The following CCSER2 variants were observed in gnomAD, a reference collection of about 807,000 sequenced individuals.
CCSER2 encodes coiled-coil serine rich protein 2, also known as serine-rich coiled-coil domain-containing protein 2.
A neutral mutation model predicts 92.3 loss-of-function variants in CCSER2; 46 were observed. That is an observed-to-expected ratio of 0.50 (90% confidence interval 0.39 to 0.64). CCSER2 has a LOEUF of 0.64. CCSER2 is among the 30% of genes least tolerant of loss of function. The pLI, the probability that CCSER2 is intolerant of heterozygous loss-of-function variation, is 0.00. For missense variants in CCSER2, 1,244 were observed against 1,238.9 expected, an observed-to-expected ratio of 1.00 and a Z score of -0.06; for synonymous variants, 433 against 431.4, an observed-to-expected ratio of 1.00 and a Z score of -0.04.
At chr10:84,485,029 A>G (rs1026830819) in intron 9 of CCSER2, among the ~76,000 whole-genome samples, 15 of 152,226 alleles carry the variant, frequency 9.9e-5, no homozygotes, top group African/African-American at 3.6e-4. Flanking sequence ...TATAGAAGGC[A>G]TTTTTGAAAC....
intron 3 of CCSER2, among the ~76,000 whole-genome samples, chr10:84,401,488 A>C (rs1384485323): frequency 1.3e-5 from 2 of 152,178 alleles, no homozygotes; most frequent in East Asian, 3.8e-4. Context: ...ACTTCACCCA[A>C]GTTGAAATAG....
intron 3 of CCSER2, among the ~76,000 whole-genome samples, chr10:84,374,831 A>T (rs918711817): frequency 2.6e-5 from 4 of 152,184 alleles, no homozygotes; most frequent in Non-Finnish European, 4.4e-5. Flanking sequence ...TAGTCTGTGG[A>T]TATATTAAAT....
intron 5 of CCSER2, 27 bp downstream of exon 5, chr10:84,425,920 A>C: frequency 1.4e-6 from 2 of 1,409,168 alleles, no homozygotes; most frequent in Non-Finnish European, 1.9e-6. Context: ...CTTAGATTTC[A>C]TTTGCTGTCC....
chr10:84,359,319 G>A lies in CCSER2; in HGVS notation c.-39-11695G>A, dbSNP rs182677806. The stretch of plus-strand genomic sequence containing the variant: ...CCATTGTATCTGGGGGAAACAGAAT[G>A]GAATGTAAAAAATGTTTAGTTGATT... On this transcript the variant is annotated intron_variant, in intron 1 of 9. Coordinates refer to ENST00000372088, the MANE Select transcript of CCSER2 (RefSeq NM_001284240.2). 1.1e-3 allele frequency among the ~76,000 whole-genome samples: 160 copies of A among 152,218 alleles called. 2 individuals are homozygous for A. The highest frequency in any genetic ancestry group is 1.6e-3 in the Admixed American group (24 of 15,284).
intron 6 of CCSER2, among the ~76,000 whole-genome samples, chr10:84,458,251 A>G (rs1690374875): frequency 6.6e-6 from 1 of 152,152 alleles, no homozygotes; most frequent in South Asian, 2.1e-4. Flanking sequence ...GATTATTTTT[A>G]TCACGTGTAT....
chr10:84,489,285 G>T (rs1847999734), intron 9 of CCSER2, among the ~76,000 whole-genome samples: 2 of 152,232 alleles, frequency 1.3e-5, no homozygotes, highest in African/African-American at 2.4e-5. Context: ...TCAATTCCTG[G>T]ATCTCGTTGT....
At chr10:84,367,979 T>C (rs1290739501) in intron 1 of CCSER2, among the ~76,000 whole-genome samples, 1 of 152,120 alleles carries the variant, frequency 6.6e-6, no homozygotes, top group Non-Finnish European at 1.5e-5. Flanking sequence ...TCTCCTTAGA[T>C]TGCGTTAAAT....
At chr10:84,383,002 TGA>T (rs1382919644) in intron 3 of CCSER2, among the ~76,000 whole-genome samples, 1 of 152,240 alleles carries the variant, frequency 6.6e-6, no homozygotes, top group Admixed American at 6.5e-5. Flanking sequence ...ACCTTGTGAC[TGA>T]TACAGCTAGA....
At chr10:84,493,620 G>A (rs183856009) in intron 9 of CCSER2, among the ~76,000 whole-genome samples, 20 of 152,212 alleles carry the variant, frequency 1.3e-4, no homozygotes, top group Admixed American at 1.2e-3. Context: ...AGAAAGGAAC[G>A]AGAATTTCCC....
At chr10:84,390,089 T>C (rs1841441164) in intron 3 of CCSER2, among the ~76,000 whole-genome samples, 1 of 152,162 alleles carries the variant, frequency 6.6e-6, no homozygotes, top group Non-Finnish European at 1.5e-5. Context: ...TATACATATA[T>C]ACTTCCACAC....
chr10:84,410,048 G>A (rs1842572239), intron 3 of CCSER2, among the ~76,000 whole-genome samples: 1 of 152,064 alleles, frequency 6.6e-6, no homozygotes, highest in African/African-American at 2.4e-5. Context: ...AGTTTGATGA[G>A]GATGTCTTCC....
intron 1 of CCSER2, among the ~76,000 whole-genome samples, chr10:84,339,624 C>G (rs745636587): frequency 6.6e-6 from 1 of 150,870 alleles, no homozygotes; most frequent in African/African-American, 2.4e-5. Flanking sequence ...TACAGGCATG[C>G]GCCACCACGC....
chr10:84,427,720 T>G lies in CCSER2; in HGVS notation c.1868+1827T>G, dbSNP rs377129725. ...TTCTTTTCTGCCCAGACCTCCTTTT[T>G]TTCTACACCTTTTGATATGCTATCT... is the stretch of plus-strand genomic sequence containing the variant. On this transcript the variant is annotated intron_variant, in intron 5 of 9. Transcript: ENST00000372088. Among the ~76,000 whole-genome samples, 32 of 152,260 alleles carry G rather than the reference T, an allele frequency of 2.1e-4. 1 individual carries two copies. The East Asian group carries it at 2.1e-3, about 10-fold the overall frequency.
chr10:84,411,779 TC>T (rs1468033352), intron 3 of CCSER2, among the ~76,000 whole-genome samples: 8 of 152,196 alleles, frequency 5.3e-5, no homozygotes, highest in Non-Finnish European at 1.0e-4. Flanking sequence ...CTTCTTCTCT[TC>T]CTATTTGAAT....
rs763693583 is a variant in CCSER2 at position 84,371,503 on chromosome 10, A to G, written c.451A>G (p.Lys151Glu). 6.2e-7 allele frequency: 1 copy of G among 1,613,838 alleles called. No homozygotes were observed. ...TTTTTCTGGACCATCTAATTTGGGT[A>G]AATTCACCAAAGGCACATTATTAGG... Reference protein sequence around the residue: ...KSFSGPSNLGKFTKGTLLGRT... With the variant: ...KSFSGPSNLGEFTKGTLLGRT... The change falls in exon 2 of 10, where the codon AAA becomes GAA. Residue 151 changes from lysine (K) to glutamate (E), a missense_variant. Coordinates refer to ENST00000372088, the MANE Select transcript of CCSER2 (RefSeq NM_001284240.2).
rs1426336498 is a variant in CCSER2 at position 84,517,488 on chromosome 10, A to T, written c.*3221A>T. On this transcript the variant is annotated 3_prime_UTR_variant, in exon 10 of 10. Transcript: ENST00000372088. ...ATATTAGAATTTACTAAGTACTTTAACAAGTAAAAATCTGAATATGAAAGA... is the reference window on the plus strand; with the variant it reads ...ATATTAGAATTTACTAAGTACTTTATCAAGTAAAAATCTGAATATGAAAGA... The T allele has an allele frequency of 2.0e-5, 3 of 152,650 alleles. No individual in the cohort carries two copies. Among genetic ancestry groups the T allele is most frequent in the African/African-American group, 7.2e-5 (3 of 41,460 alleles). The allele number at this position is 152,650 out of a possible 1,614,324, so 9.5% of individuals were successfully genotyped here.
chr10:84,437,194 C>G (rs533449680), intron 5 of CCSER2, among the ~76,000 whole-genome samples: 81 of 151,316 alleles, frequency 5.4e-4, no homozygotes, highest in Non-Finnish European at 9.4e-4. Context: ...CAGAGAGAGA[C>G]AGACAGACAG....
At chr10:84,420,978 T>C (rs1336232187) in intron 4 of CCSER2, among the ~76,000 whole-genome samples, 10 of 148,556 alleles carry the variant, frequency 6.7e-5, no homozygotes, top group Admixed American at 4.7e-4. Flanking sequence ...TGAACTATAA[T>C]GAATTGCCAC....
intron 5 of CCSER2, among the ~76,000 whole-genome samples, chr10:84,433,654 T>G (rs1843923845): frequency 6.6e-6 from 1 of 152,242 alleles, no homozygotes; most frequent in Admixed American, 6.5e-5. Flanking sequence ...ATTAAATAAT[T>G]ATGCAACAAT....
Sources: gnomAD v4.1 joint callset for allele counts (sites outside exome capture counted in the v4.1 genomes callset) on GRCh38, gnomAD v4.1.1 for gene constraint, MANE v1.5 for transcripts, NCBI Gene and HGNC (gene_info 2026-07-23, HGNC 2026-07-21) for gene names.